Variants in INVS observed in about 807,000 individuals in gnomAD.
The protein encoded by INVS is inversin.
INVS carries 86 observed loss-of-function variants against 108.8 expected under a neutral mutation model. The ratio of observed to expected loss-of-function variants is 0.79; its 90% CI spans 0.66 to 0.95. The LOEUF (loss-of-function observed/expected upper bound fraction) is 0.95, where lower values mean the gene tolerates loss of function less well. Among genes scored for constraint, INVS ranks in the 40% least tolerant of loss-of-function variants. The pLI is 0.00. For missense variants in INVS, 1,169 were observed against 1,297.4 expected, an observed-to-expected ratio of 0.90 and a Z score of 1.52; for synonymous variants, 455 against 473.5, an observed-to-expected ratio of 0.96 and a Z score of 0.51.
rs777038959 is a variant in INVS at position 100,296,946 on chromosome 9, T to G, written c.2816T>G (p.Leu939Arg). The change falls in exon 15 of 17, where the codon CTT becomes CGT. Residue 939 changes from leucine (L) to arginine (R), a missense_variant. This residue lies in a region of INVS where 533 missense variants were observed against 536.0 expected (regional missense o/e 0.99). Coordinates refer to ENST00000262457, the MANE Select transcript of INVS (RefSeq NM_014425.5). Reference protein sequence around the residue: ...SYQLRKHLSHLRHMKQLGAGD... With the variant: ...SYQLRKHLSHRRHMKQLGAGD... ...CAGCTCAGGAAGCACCTGTCCCACC[T>G]TCGGCATATGAAGCAGCTTGGAGCT... The G allele has an allele frequency of 6.2e-6, 10 of 1,614,096 alleles. No homozygotes were observed. In the South Asian group the frequency reaches 9.9e-5, roughly 16 times the overall value.
At chr9:100,157,333 C>T (rs1289328741) in intron 3 of INVS, among the ~76,000 whole-genome samples, 19 of 143,346 alleles carry the variant, frequency 1.3e-4, no homozygotes, top group Admixed American at 3.5e-4. Context: ...GGCACAATCT[C>T]GGCTCACTGC....
intron 2 of INVS, 91 bp downstream of exon 2, chr9:100,104,718 A>AG: frequency 2.5e-6 from 2 of 795,760 alleles, no homozygotes; most frequent in Non-Finnish European, 4.4e-6. Context: ...CAATGTACTC[A>AG]TACATTTTAA....
At chr9:100,274,837 G>A (rs1833069056) in intron 12 of INVS, among the ~76,000 whole-genome samples, 1 of 152,146 alleles carries the variant, frequency 6.6e-6, no homozygotes, top group Non-Finnish European at 1.5e-5. Context: ...CTTCCTGGCT[G>A]TATCTCGAAT....
intron 2 of INVS, among the ~76,000 whole-genome samples, chr9:100,122,576 C>CTTTTTTTTTTTTTT (rs1161036698): frequency 8.7e-5 from 5 of 57,534 alleles, no homozygotes; most frequent in African/African-American, 1.3e-4. Context: ...AAGTGAGTTT[C>CTTTTTTTTTTTTTT]TTTTTTTTTT....
chr9:100,115,501 G>C (rs1827486087), intron 2 of INVS, among the ~76,000 whole-genome samples: 1 of 151,656 alleles, frequency 6.6e-6, no homozygotes, highest in African/African-American at 2.4e-5. Flanking sequence ...TCCCCTTCCT[G>C]TGTCCAAGTG....
At chr9:100,162,031 AAAGGCTGGG>A (rs1316434891) in intron 3 of INVS, among the ~76,000 whole-genome samples, 2 of 152,214 alleles carry the variant, frequency 1.3e-5, no homozygotes, top group Admixed American at 1.3e-4. Context: ...GCCTGGAAGA[AAAGGCTGGG>A]AACTGACATG....
chr9:100,291,350 G>A (rs1451460400), intron 13 of INVS, among the ~76,000 whole-genome samples: 1 of 152,170 alleles, frequency 6.6e-6, no homozygotes, highest in African/African-American at 2.4e-5. Flanking sequence ...ATGAGCCACC[G>A]TGCCTGGCAT....
intron 3 of INVS, among the ~76,000 whole-genome samples, 166 bp from the exon 4 acceptor site, chr9:100,225,896 T>C (rs1211244281): frequency 6.9e-6 from 1 of 145,386 alleles, no homozygotes; most frequent in Non-Finnish European, 1.5e-5. Flanking sequence ...CATGAAAAAA[T>C]AAAACAATTG....
chr9:100,145,304 G>A (rs902909218), intron 3 of INVS, among the ~76,000 whole-genome samples: 2 of 151,792 alleles, frequency 1.3e-5, no homozygotes, highest in African/African-American at 2.4e-5. Flanking sequence ...GGGTTGGGGT[G>A]CAGAGATAAG....
intron 3 of INVS, chr9:100,175,509 C>T: frequency 2.6e-6 from 2 of 759,076 alleles, no homozygotes. Flanking sequence ...CAGCCTCCAG[C>T]AGATGCAAGA....
chr9:100,109,304 A>G (rs1539297), intron 2 of INVS, among the ~76,000 whole-genome samples: 70,768 of 151,866 alleles, frequency 0.47, 17,766 homozygotes, highest in East Asian at 0.9. Context: ...TAATGACAGT[A>G]AAATATCTAG....
intron 3 of INVS, among the ~76,000 whole-genome samples, chr9:100,138,197 G>A (rs977310584): frequency 5.3e-5 from 8 of 152,142 alleles, no homozygotes; most frequent in Non-Finnish European, 8.8e-5. Context: ...CCTGAGGTGA[G>A]GAGTTCGAGA....
At chr9:100,171,851 G>A (rs1829553418) in intron 3 of INVS, among the ~76,000 whole-genome samples, 1 of 152,130 alleles carries the variant, frequency 6.6e-6, no homozygotes, top group Non-Finnish European at 1.5e-5. Flanking sequence ...GCATTGGACT[G>A]ATATAAATCA....
At chr9:100,196,874 C>T (rs1429563994) in intron 3 of INVS, among the ~76,000 whole-genome samples, 2 of 152,012 alleles carry the variant, frequency 1.3e-5, no homozygotes, top group African/African-American at 4.8e-5. Context: ...AGAAAACACA[C>T]TTCACCTGTT....
rs530349031 is a variant in INVS, at chr9:100,157,509, G to A, written c.273+30960G>A. Among the ~76,000 whole-genome samples, 935 of 151,882 alleles carry A rather than the reference G, an allele frequency of 6.2e-3. 8 individuals are homozygous for A. Among genetic ancestry groups the A allele is most frequent in the Non-Finnish European group, 0.01 (701 of 67,906 alleles). ...TCTCGATCTCCTGGCCTCGTGATCCGCCCGCCTCGGCCTCCCAAAGTGCTG... is the reference window on the plus strand; with the variant it reads ...TCTCGATCTCCTGGCCTCGTGATCCACCCGCCTCGGCCTCCCAAAGTGCTG... On this transcript the variant is annotated intron_variant, in intron 3 of 16. Transcript: ENST00000262457.
At chr9:100,171,326 T>C (rs1829535406) in intron 3 of INVS, among the ~76,000 whole-genome samples, 1 of 152,188 alleles carries the variant, frequency 6.6e-6, no homozygotes, top group South Asian at 2.1e-4. Flanking sequence ...TATAGTAATA[T>C]ACTGTACAGG....
intron 3 of INVS, among the ~76,000 whole-genome samples, chr9:100,137,588 T>C (rs960103186): frequency 1.7e-4 from 26 of 152,170 alleles, no homozygotes; most frequent in African/African-American, 6.3e-4. Context: ...AGTTTAACTC[T>C]CTAAGCCTCT....
chr9:100,234,672 G>GT (rs1406213916), intron 5 of INVS, among the ~76,000 whole-genome samples: 1 of 152,182 alleles, frequency 6.6e-6, no homozygotes. Flanking sequence ...TAGTTGTGCG[G>GT]TTTTGAGTGA....
intron 3 of INVS, among the ~76,000 whole-genome samples, chr9:100,133,854 A>C (rs1828135620): frequency 6.6e-6 from 1 of 150,582 alleles, no homozygotes; most frequent in South Asian, 2.1e-4. Flanking sequence ...GGTAATACCT[A>C]AGAAAAATAA....
Sources: allele counts gnomAD v4.1 joint callset (sites outside exome capture counted in the v4.1 genomes callset), GRCh38; gene constraint gnomAD v4.1.1; regional missense constraint gnomAD v4.1.1; transcripts MANE v1.5; gene names NCBI Gene and HGNC (gene_info 2026-07-23, HGNC 2026-07-21).